VCF2: variants seen among roughly 807,000 people sequenced by gnomAD.
VCF2 encodes protein VCF2.
At chrX:55,158,849 G>A in the VCF2 span, among the ~76,000 whole-genome samples, 6 of 111,215 alleles carry the variant, frequency 5.4e-5, no homozygotes, top group Non-Finnish European at 1.1e-4. Context: ...TAAAAAGAAG[G>A]GAAGTAAGAC....
chrX:55,160,449 G>A, the VCF2 span, among the ~76,000 whole-genome samples: 1 of 112,748 alleles, frequency 8.9e-6, no homozygotes, highest in African/African-American at 3.2e-5. Flanking sequence ...TTAAAAAGCG[G>A]AATGTTCATG....
chrX:55,151,355 G>T, the VCF2 span, among the ~76,000 whole-genome samples: 1 of 112,350 alleles, frequency 8.9e-6, no homozygotes, highest in African/African-American at 3.2e-5. Context: ...GTGACCTGTG[G>T]TAAGTAAAGA....
the VCF2 span, among the ~76,000 whole-genome samples, chrX:55,144,491 G>T: frequency 2.7e-5 from 3 of 111,422 alleles, no homozygotes; most frequent in Admixed American, 1.9e-4. Context: ...CTAAGTTTGA[G>T]GCCAATGTGG....
the VCF2 span, among the ~76,000 whole-genome samples, chrX:55,152,081 C>T: frequency 1.9e-5 from 2 of 106,851 alleles, no homozygotes; most frequent in Non-Finnish European, 3.9e-5. Context: ...TTAGTAGAGA[C>T]GGGGTTTCAC....
At chrX:55,145,229 A>T in the VCF2 span, 1 of 615,497 alleles carries the variant, frequency 1.6e-6, no homozygotes. Flanking sequence ...AGTAGCTTAC[A>T]CTGTATTAAC....
the VCF2 span, among the ~76,000 whole-genome samples, chrX:55,149,991 T>C: frequency 6.2e-5 from 7 of 112,272 alleles, no homozygotes; most frequent in Non-Finnish European, 1.3e-4. Context: ...TTTTTAACTT[T>C]TTCTAGTTGA....
the VCF2 span, among the ~76,000 whole-genome samples, chrX:55,152,404 G>C: frequency 9.1e-6 from 1 of 110,478 alleles, no homozygotes; most frequent in Non-Finnish European, 1.9e-5. Context: ...TACTTTTTTT[G>C]TCATAGAACA....
At chrX:55,159,271 T>G in the VCF2 span, 2 of 1,066,954 alleles carry the variant, frequency 1.9e-6, no homozygotes, top group Non-Finnish European at 2.6e-6. Context: ...ATGAAACAAC[T>G]GATCTTTTGG....
chrX:55,146,415 GT>G, the VCF2 span: 1 of 730,483 alleles, frequency 1.4e-6, no homozygotes, highest in Non-Finnish European at 2.1e-6. Context: ...GGGCTTAATG[GT>G]TTTTACAAAG....
the VCF2 span, among the ~76,000 whole-genome samples, chrX:55,152,930 T>C: frequency 3.6e-5 from 4 of 111,916 alleles, no homozygotes; most frequent in African/African-American, 3.3e-5. Context: ...CTCTACCCTA[T>C]TGTTTGTGTA....
At chrX:55,145,167 G>T in the VCF2 span, 1 of 254,833 alleles carries the variant, frequency 3.9e-6, no homozygotes, top group Non-Finnish European at 5.5e-6. Flanking sequence ...AGCATAAAGT[G>T]GACAGTTGTC....
At chrX:55,151,893 T>C in the VCF2 span, among the ~76,000 whole-genome samples, 5 of 89,180 alleles carry the variant, frequency 5.6e-5, no homozygotes, top group East Asian at 6.8e-4. Flanking sequence ...GCTTTCTTTT[T>C]TTTTTTTTTT....
the VCF2 span, among the ~76,000 whole-genome samples, chrX:55,144,988 T>C: frequency 8.9e-6 from 1 of 112,977 alleles, no homozygotes; most frequent in Non-Finnish European, 1.9e-5. Context: ...CCATTCAAAT[T>C]TGGTTGGCTC....
chrX:55,154,399 C>G, the VCF2 span, among the ~76,000 whole-genome samples: 1 of 112,166 alleles, frequency 8.9e-6, no homozygotes, highest in Admixed American at 9.4e-5. Flanking sequence ...AGTTACAAAG[C>G]TTATTCTTTT....
the VCF2 span, chrX:55,160,746 G>C: frequency 1.0e-6 from 1 of 956,583 alleles, no homozygotes; most frequent in Non-Finnish European, 1.4e-6. Flanking sequence ...AGGGTACCTA[G>C]CAGCCTCACC....
At chrX:55,149,020 G>A in the VCF2 span, among the ~76,000 whole-genome samples, 2 of 111,410 alleles carry the variant, frequency 1.8e-5, no homozygotes, top group Non-Finnish European at 3.8e-5. Flanking sequence ...TGTGCTCTTG[G>A]CTTTAAATTT....
At chrX:55,154,383 T>C in the VCF2 span, among the ~76,000 whole-genome samples, 2 of 112,472 alleles carry the variant, frequency 1.8e-5, no homozygotes, top group Admixed American at 1.9e-4. Context: ...GCTTATACTA[T>C]CTGACAGTTA....
At chrX:55,153,176 G>A in the VCF2 span, among the ~76,000 whole-genome samples, 1 of 111,718 alleles carries the variant, frequency 9.0e-6, no homozygotes, top group East Asian at 2.8e-4. Flanking sequence ...AGCACATGTT[G>A]TCAGGACCTC....
chrX:55,157,358 C>T, the VCF2 span, among the ~76,000 whole-genome samples: 1 of 111,744 alleles, frequency 8.9e-6, no homozygotes, highest in African/African-American at 3.3e-5. Context: ...CATGGAAAAA[C>T]CCCACCTCTA....
Sources: allele counts gnomAD v4.1 joint callset (sites outside exome capture counted in the v4.1 genomes callset), GRCh38; gene constraint gnomAD v4.1.1; transcripts MANE v1.5; gene names NCBI Gene and HGNC (gene_info 2026-07-23, HGNC 2026-07-21).